Variants in GAREM1 observed in about 807,000 individuals in gnomAD.
GAREM1 encodes GRB2-associated and regulator of MAPK protein 1.
In GAREM1, 26 loss-of-function variants were observed where a neutral mutation model predicts 71.3. That is an observed-to-expected ratio of 0.36 (90% confidence interval 0.27 to 0.51). The LOEUF (loss-of-function observed/expected upper bound fraction) is 0.51. Among genes scored for constraint, GAREM1 ranks in the 20% least tolerant of loss-of-function variants. The probability of loss-of-function intolerance (pLI) is 0.95; values close to 1 mark genes in which losing one functional copy is unlikely to be tolerated. For synonymous variants in GAREM1, 440 were observed against 433.2 expected (o/e 1.02, Z -0.20); for missense variants, 1,026 against 1,103.1 (o/e 0.93, Z 0.99).
intron 2 of GAREM1, among the ~76,000 whole-genome samples, chr18:32,368,804 T>A (rs1421813398): frequency 6.6e-6 from 1 of 152,226 alleles, no homozygotes; most frequent in Admixed American, 6.5e-5. Context: ...ACAGGCTCTG[T>A]GTTTTGATCA....
At chr18:32,274,932 G>T (rs1036360234) in intron 4 of GAREM1, among the ~76,000 whole-genome samples, 1 of 151,126 alleles carries the variant, frequency 6.6e-6, no homozygotes, top group Non-Finnish European at 1.5e-5. Context: ...ATGCCTGGTA[G>T]GTGTTAAGAA....
intron 2 of GAREM1, among the ~76,000 whole-genome samples, chr18:32,335,254 T>C (rs1423460244): frequency 6.6e-6 from 1 of 152,208 alleles, no homozygotes; most frequent in Non-Finnish European, 1.5e-5. Flanking sequence ...CAAAGAATCA[T>C]AGAATGCTAA....
chr18:32,300,259 T>G (rs1230704396), intron 3 of GAREM1, among the ~76,000 whole-genome samples: 1 of 152,234 alleles, frequency 6.6e-6, no homozygotes, highest in African/African-American at 2.4e-5. Flanking sequence ...CAGGAAAAGA[T>G]GGTCTCTCTG....
intron 2 of GAREM1, among the ~76,000 whole-genome samples, chr18:32,342,045 G>T (rs1598974413): frequency 1.3e-5 from 2 of 152,018 alleles, no homozygotes; most frequent in East Asian, 3.9e-4. Flanking sequence ...GAATAAGTTG[G>T]GTTTGAATGA....
rs74695708 is a variant in GAREM1 at position 32,293,759 on chromosome 18, C to T, written c.394-5556G>A. 1.9e-3 allele frequency among the ~76,000 whole-genome samples: 291 copies of T among 152,210 alleles called. 10 individuals carry two copies. The East Asian group carries it at 0.045, about 24-fold the overall frequency. On this transcript the variant is annotated intron_variant, in intron 3 of 5. Transcript: ENST00000269209. ...TATGTAGTGGAGAATATACCTTGGACAGTACCTTGACCAGGTTATCAAATT... is the reference window on the plus strand; with the variant it reads ...TATGTAGTGGAGAATATACCTTGGATAGTACCTTGACCAGGTTATCAAATT...
intron 1 of GAREM1, among the ~76,000 whole-genome samples, chr18:32,406,742 A>G (rs2048370713): frequency 6.6e-6 from 1 of 152,208 alleles, no homozygotes; most frequent in South Asian, 2.1e-4. Context: ...ATTGAAGTCA[A>G]TGGAAACTGA....
intron 1 of GAREM1, among the ~76,000 whole-genome samples, chr18:32,441,296 C>T (rs1033279258): frequency 6.6e-6 from 1 of 151,930 alleles, no homozygotes; most frequent in Non-Finnish European, 1.5e-5. Context: ...TCTGTGTGGA[C>T]TAGCGGCCAA....
At chr18:32,414,821 G>A (rs543478832) in intron 1 of GAREM1, among the ~76,000 whole-genome samples, 13 of 151,962 alleles carry the variant, frequency 8.6e-5, no homozygotes, top group African/African-American at 3.1e-4. Flanking sequence ...AAAAGCATGG[G>A]CAAACAAAAC....
chr18:32,364,016 ATATATATATATGTTTTTTTT>A (rs2047899117), intron 2 of GAREM1, among the ~76,000 whole-genome samples: 1 of 49,138 alleles, frequency 2.0e-5, no homozygotes, highest in African/African-American at 1.2e-4. Flanking sequence ...ATATATATAT[ATATATATATATGTTTTTTTT>A]TTTTTTTTTT....
rs200546145 is a variant in GAREM1, at chr18:32,288,061, T to C, written c.536A>G (p.Lys179Arg). The change falls in exon 4 of 6, where the codon AAA becomes AGA. Residue 179 changes from lysine (K) to arginine (R), a missense_variant. Physicochemically the swap from Lys to Arg is conservative, Grantham distance 26. This residue lies in a region of GAREM1 where 218 missense variants were observed against 296.8 expected (regional missense o/e 0.73). Coordinates refer to ENST00000269209, the MANE Select transcript of GAREM1 (RefSeq NM_001242409.2). Reference protein sequence around the residue: ...KEKSRLNTIFKKIGKLNSISK... With the variant: ...KEKSRLNTIFRKIGKLNSISK... ...GATGGAATTGAGCTTCCCAATCTTTTTGAAGATTGTGTTGAGTCGTGACTT... is the reference window on the plus strand; with the variant it reads ...GATGGAATTGAGCTTCCCAATCTTTCTGAAGATTGTGTTGAGTCGTGACTT... The C allele has an allele frequency of 1.2e-6, 2 of 1,614,170 alleles. No homozygotes were observed. The highest frequency in any genetic ancestry group is 1.7e-6 in the Non-Finnish European group (2 of 1,180,030).
At chr18:32,467,366 C>G (rs1055221416) in intron 1 of GAREM1, among the ~76,000 whole-genome samples, 1 of 152,212 alleles carries the variant, frequency 6.6e-6, no homozygotes, top group African/African-American at 2.4e-5. Context: ...AACTTCAACC[C>G]TTCTCTCCTT....
intron 2 of GAREM1, among the ~76,000 whole-genome samples, chr18:32,337,851 C>T (rs574223998): frequency 2.6e-5 from 4 of 152,270 alleles, no homozygotes; most frequent in East Asian, 1.9e-4. Context: ...GTCTGCCACT[C>T]GTAACTTGGA....
intron 2 of GAREM1, among the ~76,000 whole-genome samples, chr18:32,367,249 T>G (rs2047935504): frequency 6.6e-6 from 1 of 152,184 alleles, no homozygotes. Flanking sequence ...ATAGCAATAG[T>G]GCTTAAGGTT....
intron 1 of GAREM1, among the ~76,000 whole-genome samples, chr18:32,432,255 T>C (rs1191353525): frequency 6.6e-6 from 1 of 152,142 alleles, no homozygotes; most frequent in Non-Finnish European, 1.5e-5. Flanking sequence ...TCTTATGGGA[T>C]ACTACTAATG....
intron 2 of GAREM1, among the ~76,000 whole-genome samples, chr18:32,312,395 G>A (rs577660796): frequency 6.6e-6 from 1 of 152,176 alleles, no homozygotes; most frequent in African/African-American, 2.4e-5. Context: ...TGAATGGTGA[G>A]TGGGTGTCAA....
intron 1 of GAREM1, among the ~76,000 whole-genome samples, chr18:32,395,213 T>C (rs2144662605): frequency 6.6e-6 from 1 of 152,308 alleles, no homozygotes; most frequent in East Asian, 1.9e-4. Flanking sequence ...GTCTCTTACC[T>C]TGAAAAACAC....
At chr18:32,365,201 T>C (rs977640789) in intron 2 of GAREM1, among the ~76,000 whole-genome samples, 1 of 152,218 alleles carries the variant, frequency 6.6e-6, no homozygotes, top group Non-Finnish European at 1.5e-5. Flanking sequence ...ATTTAAAATA[T>C]AACCAGAACC....
chr18:32,334,667 T>C (rs2047571858), intron 2 of GAREM1, among the ~76,000 whole-genome samples: 1 of 152,198 alleles, frequency 6.6e-6, no homozygotes, highest in Non-Finnish European at 1.5e-5. Flanking sequence ...CCCTGTGTTT[T>C]TGCTGGTTTT....
intron 2 of GAREM1, among the ~76,000 whole-genome samples, chr18:32,379,978 T>C (rs190994269): frequency 4.6e-5 from 7 of 152,200 alleles, no homozygotes; most frequent in Admixed American, 4.6e-4. Flanking sequence ...TTTTTTAAAA[T>C]AAAGGAAGAA....
Sources: gnomAD v4.1 joint callset for allele counts (sites outside exome capture counted in the v4.1 genomes callset) on GRCh38, gnomAD v4.1.1 for gene constraint, gnomAD v4.1.1 regional missense constraint, MANE v1.5 for transcripts, NCBI Gene and HGNC (gene_info 2026-07-23, HGNC 2026-07-21) for gene names.